Variants in SORCS3 observed in about 807,000 individuals in gnomAD.
SORCS3 encodes the protein sortilin related VPS10 domain containing receptor 3.
Under a neutral mutation model 146.3 loss-of-function variants are expected in SORCS3, and 57 were observed. The ratio of observed to expected loss-of-function variants is 0.39; its 90% CI spans 0.31 to 0.49. The LOEUF is 0.49. Ranked by LOEUF, SORCS3 falls within the 20% of genes least tolerant of loss-of-function variation. SORCS3 has a pLI of 0.92. For synonymous variants in SORCS3, 653 were observed against 618.5 expected (o/e 1.06, Z -0.83); for missense variants, 1,341 against 1,575.5 (o/e 0.85, Z 2.52).
At chr10:104,887,015 G>A (rs2018694954) in intron 2 of SORCS3, among the ~76,000 whole-genome samples, 1 of 152,190 alleles carries the variant, frequency 6.6e-6, no homozygotes, top group Non-Finnish European at 1.5e-5. Flanking sequence ...CATTCAGCAA[G>A]TAATTTAGTG....
At chr10:104,972,423 C>T (rs1057038299) in intron 3 of SORCS3, among the ~76,000 whole-genome samples, 1 of 152,060 alleles carries the variant, frequency 6.6e-6, no homozygotes, top group Non-Finnish European at 1.5e-5. Context: ...GCTCAAGGAC[C>T]TTTGGGGCTA....
chr10:104,820,821 A>T (rs2017864049), intron 1 of SORCS3, among the ~76,000 whole-genome samples: 1 of 152,216 alleles, frequency 6.6e-6, no homozygotes, highest in African/African-American at 2.4e-5. Context: ...CTGTAATGTT[A>T]GGATGCATCA....
chr10:104,819,386 G>A (rs1028227320), intron 1 of SORCS3, among the ~76,000 whole-genome samples: 1 of 152,080 alleles, frequency 6.6e-6, no homozygotes, highest in African/African-American at 2.4e-5. Context: ...CTGTCTATAG[G>A]TTCCCATGTA....
chr10:105,099,679 G>A (rs895410380), intron 6 of SORCS3, among the ~76,000 whole-genome samples: 1 of 152,164 alleles, frequency 6.6e-6, no homozygotes, highest in Non-Finnish European at 1.5e-5. Flanking sequence ...TGATGTAGAT[G>A]AGGGGCTTGT....
intron 1 of SORCS3, among the ~76,000 whole-genome samples, chr10:104,655,383 T>A (rs914122490): frequency 6.6e-6 from 1 of 152,154 alleles, no homozygotes; most frequent in Non-Finnish European, 1.5e-5. Flanking sequence ...TATTTAAGCC[T>A]AGTACTCAAT....
intron 14 of SORCS3, among the ~76,000 whole-genome samples, chr10:105,195,658 G>T (rs2056539893): frequency 6.6e-6 from 1 of 152,188 alleles, no homozygotes; most frequent in Non-Finnish European, 1.5e-5. Context: ...ATACAAAAGT[G>T]ACCATGTGTC....
chr10:105,010,263 G>T (rs577408358), intron 4 of SORCS3, among the ~76,000 whole-genome samples: 1 of 152,216 alleles, frequency 6.6e-6, no homozygotes, highest in Admixed American at 6.5e-5. Context: ...GAATGGCAGG[G>T]ATTGTTGATA....
At chr10:104,648,912 C>A (rs2015527330) in intron 1 of SORCS3, among the ~76,000 whole-genome samples, 1 of 152,068 alleles carries the variant, frequency 6.6e-6, no homozygotes, top group African/African-American at 2.4e-5. Context: ...ATGAGAGGGA[C>A]CTGCAGCAGA....
chr10:105,055,892 G>T (rs1159633608), intron 5 of SORCS3, among the ~76,000 whole-genome samples: 1 of 152,174 alleles, frequency 6.6e-6, no homozygotes, highest in Non-Finnish European at 1.5e-5. Flanking sequence ...TCAAACTAAA[G>T]ATTGTGTTGT....
intron 14 of SORCS3, among the ~76,000 whole-genome samples, chr10:105,179,857 T>C (rs188668267): frequency 6.6e-6 from 1 of 152,204 alleles, no homozygotes. Context: ...GGGAGTCCAT[T>C]TGGGGACAAG....
At chr10:105,170,086 C>T (rs2056346934) in intron 13 of SORCS3, among the ~76,000 whole-genome samples, 1 of 152,056 alleles carries the variant, frequency 6.6e-6, no homozygotes, top group South Asian at 2.1e-4. Flanking sequence ...TTGTCATTTC[C>T]TTTTGGTGGT....
intron 9 of SORCS3, among the ~76,000 whole-genome samples, chr10:105,150,321 G>A (rs2056159650): frequency 6.6e-6 from 1 of 152,138 alleles, no homozygotes; most frequent in Non-Finnish European, 1.5e-5. Flanking sequence ...TTCAGTCCCA[G>A]ACAGAAATGA....
chr10:104,684,127 G>T (rs2016014165), intron 1 of SORCS3, among the ~76,000 whole-genome samples: 1 of 152,240 alleles, frequency 6.6e-6, no homozygotes, highest in East Asian at 1.9e-4. Flanking sequence ...GCTCTGGCAC[G>T]AGGCACCCCT....
intron 3 of SORCS3, among the ~76,000 whole-genome samples, chr10:104,919,092 G>A (rs924225271): frequency 2.6e-5 from 4 of 152,176 alleles, no homozygotes; most frequent in African/African-American, 4.8e-5. Context: ...TGGAAGGAAC[G>A]TAGAGTTGAG....
chr10:105,219,001 C>T (rs1020290759), intron 19 of SORCS3, among the ~76,000 whole-genome samples: 8 of 151,788 alleles, frequency 5.3e-5, no homozygotes, highest in East Asian at 1.9e-4. Context: ...GGAGACAGAG[C>T]GAGACCCCGT....
chr10:104,997,909 T>C (rs1344300241), intron 4 of SORCS3, among the ~76,000 whole-genome samples: 3 of 152,170 alleles, frequency 2.0e-5, no homozygotes, highest in East Asian at 1.9e-4. Flanking sequence ...TAATCACATA[T>C]GGTGCTATTG....
intron 1 of SORCS3, among the ~76,000 whole-genome samples, chr10:104,794,764 T>C (rs2017534426): frequency 6.6e-6 from 1 of 152,178 alleles, no homozygotes; most frequent in Non-Finnish European, 1.5e-5. Context: ...GCAAAGAGAC[T>C]TCTTTGGTAG....
At chr10:104,689,597 A>G (rs978990392) in intron 1 of SORCS3, among the ~76,000 whole-genome samples, 1 of 151,592 alleles carries the variant, frequency 6.6e-6, no homozygotes, top group African/African-American at 2.4e-5. Context: ...CTCCCCTTAC[A>G]CTGGAAAACT....
intron 1 of SORCS3, among the ~76,000 whole-genome samples, chr10:104,683,541 A>G (rs1315218148): frequency 1.3e-5 from 2 of 152,112 alleles, no homozygotes; most frequent in African/African-American, 2.4e-5. Flanking sequence ...AGAGAAAGGT[A>G]TTTTTACCCT....
Sources: gnomAD v4.1 joint callset for allele counts (sites outside exome capture counted in the v4.1 genomes callset) on GRCh38, gnomAD v4.1.1 for gene constraint, MANE v1.5 for transcripts, NCBI Gene and HGNC (gene_info 2026-07-23, HGNC 2026-07-21) for gene names.